The following FRMD1 variants were observed in gnomAD, a reference collection of about 807,000 sequenced individuals.
The protein encoded by FRMD1 is FERM domain containing 1.
Under a neutral mutation model 54.9 loss-of-function variants are expected in FRMD1, and 51 were observed. The observed-to-expected ratio is 0.93, with a 90% CI of 0.74 to 1.17. FRMD1 has a LOEUF of 1.17. Among genes scored for constraint, FRMD1 ranks in the 50% most tolerant of loss-of-function variants. FRMD1 has a pLI of 0.00. For synonymous variants in FRMD1, 324 were observed against 306.4 expected (o/e 1.06, Z -0.60); for missense variants, 729 against 743.0 (o/e 0.98, Z 0.22).
chr6:168,091,463 G>A (rs1470143361), intron 1 of FRMD1, among the ~76,000 whole-genome samples: 3 of 152,200 alleles, frequency 2.0e-5, no homozygotes, highest in Admixed American at 6.5e-5. Flanking sequence ...TTGTCTCAGG[G>A]TCAGGCTCCT....
At position 168,056,850 on chromosome 6, in the gene FRMD1, CCT is replaced by C. The variant is rs1370199928; in HGVS notation, c.*245_*246del. On this transcript the variant is annotated 3_prime_UTR_variant, in exon 11 of 11. Coordinates refer to ENST00000283309, the MANE Select transcript of FRMD1 (RefSeq NM_024919.6). ...TGACAGCCAGACCTTGAACTGGCTCCCTGAGACCCTGAGGGAAAGAGCTCCCG... is the reference window on the plus strand; with the variant it reads ...TGACAGCCAGACCTTGAACTGGCTCCGAGACCCTGAGGGAAAGAGCTCCCG... 2.7e-6 allele frequency: 1 copy of C among 374,528 alleles called. No homozygotes were observed. Among genetic ancestry groups the C allele is most frequent in the Non-Finnish European group, 4.7e-6 (1 of 212,238 alleles). The allele number at this position is 374,528 out of a possible 1,614,324, so 23.2% of individuals were successfully genotyped here.
At chr6:168,075,985 G>C (rs1800577518) in intron 1 of FRMD1, 5 of 1,055,968 alleles carry the variant, frequency 4.7e-6, no homozygotes, top group Non-Finnish European at 6.8e-6. Flanking sequence ...CCGGCGTCTC[G>C]CATGTGACAC....
rs1368778717 is a variant in FRMD1, at chr6:168,057,291, G to A, written c.1456C>T (p.Leu486=). The A allele has an allele frequency of 3.1e-6, 5 of 1,612,340 alleles. No individual in the cohort carries two copies. Among genetic ancestry groups the A allele is most frequent in the Non-Finnish European group, 4.2e-6 (5 of 1,179,732 alleles). Residue 486 remains leucine (L), a synonymous_variant, in exon 11 of 11, where the codon CTG becomes TTG. Transcript: ENST00000283309. ...AGCTGGTGCAGCTGCATGTCGTCCA[G>A]GCCATGGCTGTGCTGCTCCTCACTG... ...GVSEEQHSHG[L]DDMQLHQLAL... is the part of the protein sequence containing the mutation.
At chr6:168,087,363 C>T (rs6455480) in intron 1 of FRMD1, among the ~76,000 whole-genome samples, 25,069 of 152,208 alleles carry the variant, frequency 0.16, 2,117 homozygotes, top group East Asian at 0.25. Context: ...CCACTGTGCC[C>T]GAACTTATTT....
upstream of FRMD1, among the ~76,000 whole-genome samples, chr6:168,085,439 T>TG (rs985259854): frequency 6.6e-6 from 1 of 152,086 alleles, no homozygotes; most frequent in Non-Finnish European, 1.5e-5. Context: ...GGGACAGCTG[T>TG]GGGGGGCCTC....
Position 168,054,186 on chromosome 6 carries a change from C to A in FRMD1, c.*2911G>T, listed in dbSNP as rs1030477362. 6.6e-6 allele frequency: 1 copy of A among 152,316 alleles called. No individual in the cohort carries two copies. Among genetic ancestry groups the A allele is most frequent in the African/African-American group, 2.4e-5 (1 of 41,458 alleles). 9.4% of individuals were successfully genotyped at this position (152,316 alleles called of 1,614,324 possible). On this transcript the variant is annotated 3_prime_UTR_variant, in exon 11 of 11. Coordinates refer to ENST00000283309, the MANE Select transcript of FRMD1 (RefSeq NM_024919.6). ...CTGCGCCCTCAGACCCAGACCCCCG[C>A]AGCAGCAATGCAGGTTCCGGGGCCC...
chr6:168,066,228 G>A (rs1200654400), intron 4 of FRMD1: 8 of 988,114 alleles, frequency 8.1e-6, no homozygotes, highest in Non-Finnish European at 9.6e-6. Context: ...GCCGGGCACG[G>A]TGGCTCACAC....
At chr6:168,081,696 C>T (rs1800834708), upstream of FRMD1, 1 of 502,258 alleles carries the variant, frequency 2.0e-6, no homozygotes, top group Admixed American at 3.6e-5. Context: ...GACTAAACAT[C>T]CCACTGCAAG....
upstream of FRMD1, among the ~76,000 whole-genome samples, chr6:168,080,658 T>C (rs1583210383): frequency 6.6e-6 from 1 of 151,394 alleles, no homozygotes; most frequent in African/African-American, 2.4e-5. Flanking sequence ...GGGGCCAGGG[T>C]TGGGGGGTGG....
Position 168,079,074 on chromosome 6 carries a change from C to T in FRMD1, c.21G>A (p.Gly7=), listed in dbSNP as rs1221354944. The change falls in exon 1 of 11, where the codon GGG becomes GGA. Residue 7 remains glycine, a synonymous_variant. Coordinates refer to ENST00000283309, the MANE Select transcript of FRMD1 (RefSeq NM_024919.6). The stretch of plus-strand genomic sequence containing the variant: ...TTGTCCGGGCGGGGTCTATGCCCCT[C>T]CCTCTCGGGGGCACCGCCATGCTGT... MAVPPR[G]RGIDPARTNP... 1.2e-6 allele frequency: 2 copies of T among 1,606,540 alleles called. No individual in the cohort carries two copies. Among genetic ancestry groups the T allele is most frequent in the Non-Finnish European group, 8.5e-7 (1 of 1,179,248 alleles).
In FRMD1 at chr6:168,075,764, G is replaced by A. The variant is rs1446485331; in HGVS notation, c.214-429C>T. ...ATCATCCATCGCCCAACTGATGCGA[G>A]TGATCCCAACAGTGTTCCTACAGCT... On this transcript the variant is annotated intron_variant, in intron 1 of 10. Coordinates refer to ENST00000283309, the MANE Select transcript of FRMD1 (RefSeq NM_024919.6). The A allele has an allele frequency of 3.2e-6, 5 of 1,550,418 alleles. No homozygotes were observed. In the African/African-American group the frequency reaches 5.5e-5, roughly 17 times the overall value.
rs1482373532 is a variant in FRMD1, at chr6:168,056,157, G to C, written c.*940C>G. ...TGCACGTGTGCAGGAGTGTTGTGCA[G>C]GGGGAGGAGCCCTGGGGAGACCCTA... On this transcript the variant is annotated 3_prime_UTR_variant, in exon 11 of 11. Transcript: ENST00000283309. 6.6e-6 allele frequency: 1 copy of C among 152,530 alleles called. No individual in the cohort carries two copies. Among genetic ancestry groups the C allele is most frequent in the African/African-American group, 2.4e-5 (1 of 41,484 alleles). The allele number at this position is 152,530 out of a possible 1,614,324, so 9.4% of individuals were successfully genotyped here.
At position 168,067,658 on chromosome 6, in the gene FRMD1, A is replaced by G. The variant is rs6932665; in HGVS notation, c.305-212T>C. 2,637 of 512,042 alleles carry G rather than the reference A, an allele frequency of 5.1e-3. 37 individuals carry two copies. The highest frequency in any genetic ancestry group is 0.032 in the African/African-American group (1,658 of 51,826). 31.7% of individuals were successfully genotyped at this position (512,042 alleles called of 1,614,324 possible). A position where few individuals can be genotyped will look rare whatever the true frequency, so the allele number is the denominator to read the frequency against. ...TGTCAAATGCTTGCTTACTAAAACA[A>G]TGTTCCAACGTGTAGGAATATTACA... On this transcript the variant is annotated intron_variant, in intron 2 of 10. Coordinates refer to ENST00000283309, the MANE Select transcript of FRMD1 (RefSeq NM_024919.6).
intron 4 of FRMD1, chr6:168,066,434 G>A (rs1192608760): frequency 1.6e-6 from 1 of 614,184 alleles, no homozygotes; most frequent in Non-Finnish European, 2.1e-6. Context: ...GGAGGTGGAG[G>A]TTGCAGTGAG....
In FRMD1 at chr6:168,053,886, C is replaced by G. The variant is rs1156495129; in HGVS notation, c.*3211G>C. 1.3e-5 allele frequency: 2 copies of G among 152,312 alleles called. No individual in the cohort carries two copies. The highest frequency in any genetic ancestry group is 2.9e-5 in the Non-Finnish European group (2 of 68,098). 9.4% of individuals were successfully genotyped at this position (152,312 alleles called of 1,614,324 possible). On this transcript the variant is annotated 3_prime_UTR_variant, in exon 11 of 11. Coordinates refer to ENST00000283309, the MANE Select transcript of FRMD1 (RefSeq NM_024919.6). ...ACCTGAGGACCCCGGCCTCCTCCTC[C>G]TGCTTGGGGTTCAGCCCAAGAGCAG...
chr6:168,075,426 G>T, intron 1 of FRMD1, 91 bp from the exon 2 acceptor site: 1 of 1,006,552 alleles, frequency 9.9e-7, no homozygotes, highest in South Asian at 1.3e-5. Flanking sequence ...GGGGCACCAG[G>T]TGGACGACCC....
chr6:168,087,306 TG>T (rs1265087669), intron 1 of FRMD1, among the ~76,000 whole-genome samples: 2 of 152,170 alleles, frequency 1.3e-5, no homozygotes, highest in African/African-American at 4.8e-5. Flanking sequence ...TGACCTCAAA[TG>T]ATCTGCCAAC....
intron 7 of FRMD1, 197 bp downstream of exon 7, chr6:168,062,697 G>C: frequency 6.4e-7 from 1 of 1,551,146 alleles, no homozygotes; most frequent in Non-Finnish European, 8.7e-7. Flanking sequence ...CCAACGTGGG[G>C]CCAGGGGAGG....
chr6:168,075,880 CACA>C lies in FRMD1; in HGVS notation c.214-548_214-546del. The C allele has an allele frequency of 2.8e-6, 3 of 1,069,042 alleles. 1 individual carries two copies. The highest frequency in any genetic ancestry group is 1.3e-6 in the Non-Finnish European group (1 of 749,324). The allele number at this position is 1,069,042 out of a possible 1,614,324, so 66.2% of individuals were successfully genotyped here. On this transcript the variant is annotated intron_variant, in intron 1 of 10. Coordinates refer to ENST00000283309, the MANE Select transcript of FRMD1 (RefSeq NM_024919.6). ...GTCCACATTTCCGGTGCCCGGTGTC[CACA>C]TTTCCGGCGTCCCGTGTCCACATTT...
Sources: allele counts gnomAD v4.1 joint callset (sites outside exome capture counted in the v4.1 genomes callset), GRCh38; gene constraint gnomAD v4.1.1; transcripts MANE v1.5; gene names NCBI Gene and HGNC (gene_info 2026-07-23, HGNC 2026-07-21).